DDR2: variants seen among roughly 807,000 people sequenced by gnomAD.
DDR2 encodes the protein discoidin domain-containing receptor 2.
Under a neutral mutation model 94.9 loss-of-function variants are expected in DDR2, and 27 were observed. The ratio of observed to expected loss-of-function variants is 0.28; its 90% CI spans 0.21 to 0.39. DDR2 has a LOEUF of 0.39. Ranked by LOEUF, DDR2 falls within the 10% of genes least tolerant of loss-of-function variation. The pLI is 1.00. For missense variants in DDR2, 783 were observed against 1,076.0 expected (o/e 0.73, Z 3.81); for synonymous variants, 382 against 377.2 (o/e 1.01, Z -0.15).
At chr1:162,701,397 G>C (rs1660426183) in intron 2 of DDR2, among the ~76,000 whole-genome samples, 2 of 152,240 alleles carry the variant, frequency 1.3e-5, no homozygotes, top group South Asian at 2.1e-4. Context: ...ATATGGTCAT[G>C]TGGGAGTGTT....
chr1:162,693,162 G>T (rs760496963), intron 2 of DDR2, among the ~76,000 whole-genome samples: 5 of 152,188 alleles, frequency 3.3e-5, no homozygotes, highest in African/African-American at 7.2e-5. Flanking sequence ...TACCTTTGGG[G>T]AAGAGCAAGA....
chr1:162,759,441 G>C (rs1663610458), intron 7 of DDR2, among the ~76,000 whole-genome samples: 1 of 152,118 alleles, frequency 6.6e-6, no homozygotes. Context: ...AAATGCATTT[G>C]ATAATATTAA....
At chr1:162,677,935 GTTTTTTTATTTTTTATT>G (rs1183770175) in intron 2 of DDR2, among the ~76,000 whole-genome samples, 1 of 152,066 alleles carries the variant, frequency 6.6e-6, no homozygotes, top group Non-Finnish European at 1.5e-5. Context: ...TTGAGCAAAG[GTTTTTTTATTTTTTATT>G]TTTTTTTATT....
chr1:162,700,510 T>C (rs1361755000), intron 2 of DDR2, among the ~76,000 whole-genome samples: 1 of 152,216 alleles, frequency 6.6e-6, no homozygotes, highest in Non-Finnish European at 1.5e-5. Flanking sequence ...AACTCCAGCA[T>C]AGTATGGAGA....
In DDR2 at chr1:162,639,182, T is replaced by C. The variant is rs116239979; in HGVS notation, c.-192+6551T>C. Among the ~76,000 whole-genome samples the C allele has an allele frequency of 1.5e-3, 230 of 152,266 alleles. 4 individuals are homozygous for C. Among genetic ancestry groups the C allele is most frequent in the African/African-American group, 5.2e-3 (215 of 41,552 alleles). The stretch of plus-strand genomic sequence containing the variant: ...TAGACAGTTAAAAGACCAGATTAGC[T>C]ACTGCAATATTGAATGAGAACAAAG... On this transcript the variant is annotated intron_variant, in intron 1 of 17. Coordinates refer to ENST00000367921, the MANE Select transcript of DDR2 (RefSeq NM_006182.4).
chr1:162,767,031 GA>G (rs5778290), intron 10 of DDR2, among the ~76,000 whole-genome samples, 197 bp from the exon 11 acceptor site: 3 of 135,286 alleles, frequency 2.2e-5, no homozygotes, highest in Admixed American at 7.6e-5. Flanking sequence ...TCTATCTCAG[GA>G]AAAAAAAAAA....
intron 1 of DDR2, among the ~76,000 whole-genome samples, chr1:162,644,547 G>C (rs961984519): frequency 6.6e-6 from 1 of 152,060 alleles, no homozygotes; most frequent in African/African-American, 2.4e-5. Context: ...GAATACATGA[G>C]GGTTAGATGA....
chr1:162,778,319 C>T (rs2102204669), intron 16 of DDR2, among the ~76,000 whole-genome samples: 1 of 152,286 alleles, frequency 6.6e-6, no homozygotes, highest in South Asian at 2.1e-4. Context: ...AAAGGTTGAC[C>T]TAACACTCAG....
At chr1:162,730,310 C>A (rs117828045) in intron 3 of DDR2, among the ~76,000 whole-genome samples, 2 of 151,992 alleles carry the variant, frequency 1.3e-5, no homozygotes, top group Admixed American at 6.6e-5. Flanking sequence ...TAGAGCAGCC[C>A]GGGACTGCAG....
At chr1:162,771,705 C>A (rs895512406) in intron 12 of DDR2, among the ~76,000 whole-genome samples, 1 of 152,102 alleles carries the variant, frequency 6.6e-6, no homozygotes, top group Non-Finnish European at 1.5e-5. Flanking sequence ...AGTTATTAAA[C>A]CTTCAACCTT....
At chr1:162,770,211 T>G (rs776787841) in intron 11 of DDR2, 91 bp from the exon 12 acceptor site, 47 of 1,272,446 alleles carry the variant, frequency 3.7e-5, no homozygotes, top group Non-Finnish European at 5.3e-5. Flanking sequence ...AAGAGTTATT[T>G]CATTTGAGTG....
At chr1:162,700,766 C>A (rs1660395348) in intron 2 of DDR2, among the ~76,000 whole-genome samples, 1 of 152,112 alleles carries the variant, frequency 6.6e-6, no homozygotes, top group South Asian at 2.1e-4. Flanking sequence ...TGAGAAGATG[C>A]CTCTATGAGG....
chr1:162,744,854 T>C (rs1338413913), intron 3 of DDR2, among the ~76,000 whole-genome samples: 1 of 152,254 alleles, frequency 6.6e-6, no homozygotes, highest in African/African-American at 2.4e-5. Context: ...TTAGATCCTC[T>C]TGGGTATATA....
rs190570622 is a variant in DDR2, at chr1:162,729,806, C to T, written c.82+10661C>T. 4.0e-3 allele frequency among the ~76,000 whole-genome samples: 610 copies of T among 151,626 alleles called. 4 individuals carry two copies. Among genetic ancestry groups the T allele is most frequent in the Admixed American group, 5.8e-3 (89 of 15,244 alleles). ...TTACCCAGGCTGGAGTGCAATGGCG[C>T]AATCTCGGCTCACTGCAACCTCCGC... On this transcript the variant is annotated intron_variant, in intron 3 of 17. Coordinates refer to ENST00000367921, the MANE Select transcript of DDR2 (RefSeq NM_006182.4).
chr1:162,768,148 A>G (rs1251562538), intron 11 of DDR2, among the ~76,000 whole-genome samples: 4 of 152,242 alleles, frequency 2.6e-5, no homozygotes, highest in East Asian at 3.9e-4. Flanking sequence ...GCTTTTTCCA[A>G]TTGTTAATAT....
In DDR2 at chr1:162,755,213, A is replaced by G. The variant is rs1337564334; in HGVS notation, c.475A>G (p.Ile159Val). The G allele has an allele frequency of 1.9e-6, 3 of 1,613,940 alleles. No homozygotes were observed. The Admixed American group carries it at 5.0e-5, about 27-fold the overall frequency. Residue 159 changes from isoleucine to valine, a missense_variant, in exon 6 of 18, where the codon ATT (isoleucine) becomes GTT (valine). Transcript: ENST00000367921. ...DIFLKDLEPP[I>V]VARFVRFIPV... is the part of the protein sequence containing the mutation. ...TTTCCTAAAGGACTTGGAGCCGCCC[A>G]TTGTAGCCAGATTTGTCCGGTTCAT...
chr1:162,690,882 C>T (rs939033939), intron 2 of DDR2, among the ~76,000 whole-genome samples: 2 of 152,192 alleles, frequency 1.3e-5, no homozygotes, highest in Admixed American at 6.5e-5. Flanking sequence ...AACGGACCTA[C>T]AGTTATATTT....
At chr1:162,729,846 A>G (rs1661934712) in intron 3 of DDR2, among the ~76,000 whole-genome samples, 1 of 151,644 alleles carries the variant, frequency 6.6e-6, no homozygotes, top group African/African-American at 2.4e-5. Flanking sequence ...CAGGTTCTAG[A>G]GATTTTCCTG....
chr1:162,747,409 G>A (rs890121033), intron 3 of DDR2, among the ~76,000 whole-genome samples: 3 of 152,000 alleles, frequency 2.0e-5, no homozygotes, highest in African/African-American at 7.2e-5. Context: ...TCAAGTGGAA[G>A]TTCAAGTGAA....
Sources: gnomAD v4.1 joint callset for allele counts (sites outside exome capture counted in the v4.1 genomes callset) on GRCh38, gnomAD v4.1.1 for gene constraint, MANE v1.5 for transcripts, NCBI Gene and HGNC (gene_info 2026-07-23, HGNC 2026-07-21) for gene names.